CREB3L2: variants seen among roughly 807,000 people sequenced by gnomAD.
CREB3L2 encodes cyclic AMP-responsive element-binding protein 3-like protein 2.
CREB3L2 carries 23 observed loss-of-function variants against 57.2 expected under a neutral mutation model. The ratio of observed to expected loss-of-function variants is 0.40; its 90% CI spans 0.29 to 0.57. The LOEUF is 0.57. Among genes scored for constraint, CREB3L2 ranks in the 20% least tolerant of loss-of-function variants. CREB3L2 has a pLI of 0.42. For synonymous variants in CREB3L2, 268 were observed against 265.1 expected, an observed-to-expected ratio of 1.01 and a Z score of -0.11; for missense variants, 628 against 634.7, an observed-to-expected ratio of 0.99 and a Z score of 0.11.
rs768358209 is a variant in CREB3L2, at chr7:137,882,586, G to T, written c.1313C>A (p.Pro438Gln). 1 of 1,611,774 alleles carries T rather than the reference G, an allele frequency of 6.2e-7. No individual in the cohort carries two copies. The highest frequency in any genetic ancestry group is 1.1e-5 in the South Asian group (1 of 90,942). Residue 438 changes from proline (P) to glutamine (Q), a missense_variant, in exon 11 of 12, where the codon CCA becomes CAA. Pro to Gln is a moderately conservative substitution (Grantham distance 76, BLOSUM62 -1). Transcript: ENST00000330387. ...CGAGCCCGGGCTGGATGACTCCTCT[G>T]GGGGAGAATGTTCCTCGTAGATCAG... is the stretch of plus-strand genomic sequence containing the variant. ...NLLIYEEHSP[P>Q]EESSSPGSAG...
chr7:137,922,453 T>TATATATAC (rs1554498063), intron 2 of CREB3L2: 2 of 72,580 alleles, frequency 2.8e-5, no homozygotes, highest in African/African-American at 1.3e-4. Flanking sequence ...TATATATATA[T>TATATATAC]ACACACATAT....
In CREB3L2 at chr7:137,878,417, A is replaced by G; in HGVS notation, c.*2059T>C. The G allele has an allele frequency of 4.3e-6, 1 of 232,914 alleles. No homozygotes were observed. Among genetic ancestry groups the G allele is most frequent in the Non-Finnish European group, 8.5e-6 (1 of 117,876 alleles). 14.4% of individuals were successfully genotyped at this position (232,914 alleles called of 1,614,324 possible). On this transcript the variant is annotated 3_prime_UTR_variant, in exon 12 of 12. Coordinates refer to ENST00000330387, the MANE Select transcript of CREB3L2 (RefSeq NM_194071.4). ...CTTCTTTGGGCCCTATAGGCTGCCT[A>G]TGCCTGATAATGACCTGACAGTTTA...
chr7:137,990,434 G>A (rs1418973547), intron 1 of CREB3L2, among the ~76,000 whole-genome samples: 1 of 152,178 alleles, frequency 6.6e-6, no homozygotes, highest in African/African-American at 2.4e-5. Flanking sequence ...GGCATTTAAT[G>A]ACTTATAATT....
At chr7:137,935,936 G>T in intron 1 of CREB3L2, 1 of 965,614 alleles carries the variant, frequency 1.0e-6, no homozygotes, top group Non-Finnish European at 1.2e-6. Context: ...TAGCTTGCAA[G>T]GAAGGAGTGG....
At chr7:137,995,481 C>G (rs1258474728) in intron 1 of CREB3L2, among the ~76,000 whole-genome samples, 1 of 151,538 alleles carries the variant, frequency 6.6e-6, no homozygotes, top group Non-Finnish European at 1.5e-5. Flanking sequence ...ATTACAGGCG[C>G]CCGCCACCAC....
intron 1 of CREB3L2, among the ~76,000 whole-genome samples, chr7:137,996,714 G>T (rs746746260): frequency 6.6e-6 from 1 of 152,162 alleles, no homozygotes; most frequent in African/African-American, 2.4e-5. Context: ...CAGGCAGGTC[G>T]AATATTCCCC....
intron 3 of CREB3L2, among the ~76,000 whole-genome samples, chr7:137,913,508 A>C (rs1800060430): frequency 3.8e-5 from 1 of 26,160 alleles, no homozygotes; most frequent in Admixed American, 5.8e-4. Flanking sequence ...CCCTATCTCA[A>C]AAAAAAAAAA....
At chr7:137,960,804 T>A (rs1380845695) in intron 1 of CREB3L2, among the ~76,000 whole-genome samples, 1 of 128,132 alleles carries the variant, frequency 7.8e-6, no homozygotes, top group Non-Finnish European at 1.6e-5. Context: ...AAAACTAAAT[T>A]ATTTCTTTTT....
At position 137,901,338 on chromosome 7, in the gene CREB3L2, G is replaced by C; in HGVS notation, c.1043+16C>G. The stretch of plus-strand genomic sequence containing the variant: ...CCATTGGTAGCGCAATCAGCTCTCA[G>C]TCCAGTGACACTTACCTATTAGTGT... On this transcript the variant is annotated intron_variant, in intron 8 of 11. Coordinates refer to ENST00000330387, the MANE Select transcript of CREB3L2 (RefSeq NM_194071.4). 2 of 1,500,228 alleles carry C rather than the reference G, an allele frequency of 1.3e-6. No individual in the cohort carries two copies. The highest frequency in any genetic ancestry group is 1.9e-6 in the Non-Finnish European group (2 of 1,078,040). The allele number at this position is 1,500,228 out of a possible 1,614,324, so 92.9% of individuals were successfully genotyped here.
At chr7:137,922,475 CA>C (rs1329264099) in intron 2 of CREB3L2, 4 of 132,134 alleles carry the variant, frequency 3.0e-5, no homozygotes, top group African/African-American at 1.8e-4. Flanking sequence ...TATATACACA[CA>C]TATATATATA....
chr7:137,966,008 C>G (rs1157263009), intron 1 of CREB3L2, among the ~76,000 whole-genome samples: 2 of 152,156 alleles, frequency 1.3e-5, no homozygotes, highest in Non-Finnish European at 2.9e-5. Context: ...ACCAAGTTCT[C>G]GTATGCTTTG....
intron 1 of CREB3L2, among the ~76,000 whole-genome samples, chr7:137,959,320 C>T (rs1801277264): frequency 6.6e-6 from 1 of 152,208 alleles, no homozygotes; most frequent in Non-Finnish European, 1.5e-5. Flanking sequence ...GCCATCTGAA[C>T]AAGACAGGAC....
intron 8 of CREB3L2, among the ~76,000 whole-genome samples, chr7:137,901,085 TGA>T (rs1424302169): frequency 3.3e-5 from 5 of 152,192 alleles, no homozygotes; most frequent in African/African-American, 7.2e-5. Context: ...TATGTGCATA[TGA>T]GAGTGTGTAC....
intron 2 of CREB3L2, among the ~76,000 whole-genome samples, chr7:137,921,461 C>T (rs1800272523): frequency 6.6e-6 from 1 of 152,144 alleles, no homozygotes; most frequent in Admixed American, 6.5e-5. Context: ...GGCTAGATGC[C>T]AAGTTATCAA....
chr7:137,957,360 G>C (rs1386930469), intron 1 of CREB3L2, among the ~76,000 whole-genome samples: 1 of 152,008 alleles, frequency 6.6e-6, no homozygotes, highest in African/African-American at 2.4e-5. Flanking sequence ...TCTCTTCAAA[G>C]ATGTGACTAC....
At chr7:137,908,457 C>G (rs879856918) in intron 4 of CREB3L2, 21 bp from the exon 5 acceptor site, 3 of 1,253,884 alleles carry the variant, frequency 2.4e-6, no homozygotes, top group Non-Finnish European at 3.0e-6. Context: ...GGAAGCACAT[C>G]TCATCCATCC....
chr7:137,995,601 G>A (rs1447958588), intron 1 of CREB3L2, among the ~76,000 whole-genome samples: 1 of 152,044 alleles, frequency 6.6e-6, no homozygotes, highest in Non-Finnish European at 1.5e-5. Context: ...CCAAAGTGCT[G>A]GGATTACAGG....
At chr7:137,953,379 A>G in intron 1 of CREB3L2, 1 of 880,110 alleles carries the variant, frequency 1.1e-6, no homozygotes, top group South Asian at 1.4e-5. Context: ...AGAGCCTTCT[A>G]ACTTCTCTGC....
At chr7:137,994,472 C>T (rs189512650) in intron 1 of CREB3L2, among the ~76,000 whole-genome samples, 3 of 152,332 alleles carry the variant, frequency 2.0e-5, no homozygotes, top group East Asian at 3.9e-4. Flanking sequence ...TCTACTCTGA[C>T]GCCAAGAGTC....
Sources: gnomAD v4.1 joint callset for allele counts (sites outside exome capture counted in the v4.1 genomes callset) on GRCh38, gnomAD v4.1.1 for gene constraint, MANE v1.5 for transcripts, NCBI Gene and HGNC (gene_info 2026-07-23, HGNC 2026-07-21) for gene names.